The following IGSF11 variants were observed in gnomAD, a reference collection of about 807,000 sequenced individuals.
IGSF11 encodes CXADR like 1.
IGSF11 carries 22 observed loss-of-function variants against 41.0 expected under a neutral mutation model. The observed-to-expected ratio is 0.54, with a 90% CI of 0.38 to 0.77. The LOEUF (loss-of-function observed/expected upper bound fraction) is 0.77. IGSF11 is among the 30% of genes least tolerant of loss of function. The probability of loss-of-function intolerance (pLI) is 0.00; values close to 1 mark genes in which losing one functional copy is unlikely to be tolerated. For synonymous variants in IGSF11, 219 were observed against 201.3 expected (o/e 1.09, Z -0.74); for missense variants, 444 against 530.8 (o/e 0.84, Z 1.61).
intron 1 of IGSF11, among the ~76,000 whole-genome samples, chr3:119,143,628 T>C (rs1463839356): frequency 6.6e-6 from 1 of 152,148 alleles, no homozygotes; most frequent in Non-Finnish European, 1.5e-5. Context: ...GTAATTACTT[T>C]AAATGTAGAT....
chr3:118,948,779 AACGGTGAGACCCCGTTTCT>A (rs1445027603), intron 1 of IGSF11, among the ~76,000 whole-genome samples: 3 of 151,914 alleles, frequency 2.0e-5, no homozygotes, highest in Non-Finnish European at 4.4e-5. Context: ...TCCTGGCTAA[AACGGTGAGACCCCGTTTCT>A]ACTAAAAATA....
At chr3:119,104,691 TC>T (rs1314097267) in intron 1 of IGSF11, among the ~76,000 whole-genome samples, 2 of 152,180 alleles carry the variant, frequency 1.3e-5, no homozygotes, top group Non-Finnish European at 2.9e-5. Context: ...GCAACTGAAC[TC>T]CAGCACTCCA....
chr3:118,935,403 C>T (rs1169002537), intron 1 of IGSF11, among the ~76,000 whole-genome samples: 1 of 139,038 alleles, frequency 7.2e-6, no homozygotes, highest in Non-Finnish European at 1.5e-5. Flanking sequence ...CACATACACA[C>T]ACACATATAC....
upstream of IGSF11, among the ~76,000 whole-genome samples, chr3:119,106,514 T>A (rs2077027939): frequency 6.6e-6 from 1 of 152,212 alleles, no homozygotes; most frequent in Non-Finnish European, 1.5e-5. Context: ...GTTCCATCCA[T>A]GTTGTCAAAA....
chr3:118,903,878 G>A (rs1939244813), intron 6 of IGSF11, among the ~76,000 whole-genome samples: 1 of 152,162 alleles, frequency 6.6e-6, no homozygotes, highest in African/African-American at 2.4e-5. Context: ...ATCAGATCAA[G>A]GAATTTAGTA....
intron 1 of IGSF11, among the ~76,000 whole-genome samples, chr3:119,033,131 C>A (rs1940575998): frequency 6.6e-6 from 1 of 152,126 alleles, no homozygotes; most frequent in African/African-American, 2.4e-5. Context: ...CCTAATAATT[C>A]AAAAACAAAC....
intron 1 of IGSF11, among the ~76,000 whole-genome samples, chr3:119,087,576 G>A (rs2076697576): frequency 6.6e-6 from 1 of 152,034 alleles, no homozygotes. Context: ...TAAGCTATGA[G>A]GACGCAAATG....
At chr3:118,916,466 G>C (rs1288960249) in intron 4 of IGSF11, among the ~76,000 whole-genome samples, 5 of 151,900 alleles carry the variant, frequency 3.3e-5, no homozygotes, top group Non-Finnish European at 7.4e-5. Context: ...CCTAGTCTCT[G>C]ATAAAACAGA....
chr3:119,112,475 C>T (rs1044178564), intron 1 of IGSF11, among the ~76,000 whole-genome samples: 3 of 152,102 alleles, frequency 2.0e-5, no homozygotes, highest in Admixed American at 6.5e-5. Context: ...GGGAGTGACC[C>T]GATTTTCCAG....
intron 1 of IGSF11, among the ~76,000 whole-genome samples, chr3:119,122,993 C>G (rs1172895188): frequency 1.1e-4 from 16 of 152,182 alleles, no homozygotes; most frequent in Admixed American, 1.0e-3. Flanking sequence ...CTTTGGCTTG[C>G]ATCTTAGGTA....
At chr3:118,956,249 T>C (rs1012027274) in intron 1 of IGSF11, among the ~76,000 whole-genome samples, 4 of 152,218 alleles carry the variant, frequency 2.6e-5, no homozygotes, top group Non-Finnish European at 5.9e-5. Context: ...ACTTTCTCCA[T>C]ATCAGCCATA....
intron 1 of IGSF11, among the ~76,000 whole-genome samples, chr3:119,010,308 G>T (rs1937958415): frequency 6.6e-6 from 1 of 152,022 alleles, no homozygotes; most frequent in African/African-American, 2.4e-5. Context: ...TTGTTTAAAA[G>T]GAATAAAAAA....
chr3:119,075,035 C>A (rs1282078023), intron 1 of IGSF11, among the ~76,000 whole-genome samples: 1 of 151,922 alleles, frequency 6.6e-6, no homozygotes, highest in Non-Finnish European at 1.5e-5. Flanking sequence ...AAAGGATCAA[C>A]AAAACCAAAA....
intron 1 of IGSF11, among the ~76,000 whole-genome samples, chr3:118,997,504 C>A (rs1340743292): frequency 6.6e-6 from 1 of 152,048 alleles, no homozygotes; most frequent in Non-Finnish European, 1.5e-5. Flanking sequence ...TTTCTTCAAA[C>A]TATTTTCACA....
At chr3:119,015,149 A>G (rs1398421943) in intron 1 of IGSF11, among the ~76,000 whole-genome samples, 1 of 152,242 alleles carries the variant, frequency 6.6e-6, no homozygotes, top group Non-Finnish European at 1.5e-5. Flanking sequence ...AAACGGAAGT[A>G]TAAAACTATC....
chr3:119,088,427 T>C (rs1025034356), intron 1 of IGSF11, among the ~76,000 whole-genome samples: 3 of 152,060 alleles, frequency 2.0e-5, no homozygotes, highest in South Asian at 2.1e-4. Context: ...GCTAAAGTAA[T>C]GTTAAGAGGA....
intron 1 of IGSF11, among the ~76,000 whole-genome samples, chr3:119,005,072 C>A (rs542767991): frequency 1.3e-5 from 2 of 148,608 alleles, no homozygotes; most frequent in Non-Finnish European, 3.0e-5. Flanking sequence ...GTGTTAAAGT[C>A]TCCCATTATT....
intron 1 of IGSF11, among the ~76,000 whole-genome samples, chr3:119,096,223 T>C (rs2076848070): frequency 6.6e-6 from 1 of 151,918 alleles, no homozygotes. Flanking sequence ...GTGGGCATAC[T>C]CACCCTCAAG....
chr3:119,037,193 G>C (rs919102006), upstream of IGSF11, among the ~76,000 whole-genome samples: 1 of 152,182 alleles, frequency 6.6e-6, no homozygotes, highest in Non-Finnish European at 1.5e-5. Context: ...ACCACAGAAG[G>C]ATTTCTTTAA....
Sources: gnomAD v4.1 joint callset for allele counts (sites outside exome capture counted in the v4.1 genomes callset) on GRCh38, gnomAD v4.1.1 for gene constraint, MANE v1.5 for transcripts, NCBI Gene and HGNC (gene_info 2026-07-23, HGNC 2026-07-21) for gene names.